PSEN1: variants seen among roughly 807,000 people sequenced by gnomAD.
PSEN1 encodes presenilin 1.
A neutral mutation model predicts 53.5 loss-of-function variants in PSEN1; 15 were observed. The observed-to-expected ratio is 0.28, with a 90% CI of 0.19 to 0.43. PSEN1 has a LOEUF of 0.43. Ranked by LOEUF, PSEN1 falls within the 20% of genes least tolerant of loss-of-function variation. PSEN1 has a pLI of 1.00. For synonymous variants in PSEN1, 208 were observed against 209.8 expected (o/e 0.99, Z 0.08); for missense variants, 387 against 571.2 (o/e 0.68, Z 3.29).
At chr14:73,142,710 C>G (rs1195909443) in intron 1 of PSEN1, among the ~76,000 whole-genome samples, 1 of 152,176 alleles carries the variant, frequency 6.6e-6, no homozygotes, top group African/African-American at 2.4e-5. Context: ...AGAAGGTTTT[C>G]TGGTTAGACT....
intron 9 of PSEN1, among the ~76,000 whole-genome samples, chr14:73,210,140 A>G (rs943619013): frequency 1.6e-4 from 24 of 152,284 alleles, no homozygotes; most frequent in Middle Eastern, 3.4e-3. Flanking sequence ...AAAACAAACA[A>G]AAGAACTGAG....
intron 5 of PSEN1, among the ~76,000 whole-genome samples, chr14:73,183,378 G>A (rs1453183650): frequency 1.3e-5 from 2 of 152,026 alleles, no homozygotes; most frequent in African/African-American, 4.8e-5. Flanking sequence ...GACAATAGTG[G>A]AGGGAAGGTC....
intron 3 of PSEN1, among the ~76,000 whole-genome samples, chr14:73,151,099 T>G (rs1348389916): frequency 1.3e-5 from 2 of 152,166 alleles, no homozygotes; most frequent in Non-Finnish European, 2.9e-5. Flanking sequence ...TTTATGTGGT[T>G]TATGTCTGAA....
intron 3 of PSEN1, among the ~76,000 whole-genome samples, chr14:73,166,298 A>G (rs1005088632): frequency 1.3e-5 from 2 of 152,322 alleles, no homozygotes; most frequent in South Asian, 2.1e-4. Flanking sequence ...TAAACTGTTC[A>G]TATGACCTAA....
At chr14:73,195,344 TG>T (rs755522921) in intron 7 of PSEN1, among the ~76,000 whole-genome samples, 102 of 152,206 alleles carry the variant, frequency 6.7e-4, no homozygotes, top group Non-Finnish European at 1.2e-3. Context: ...AGCTAATTTT[TG>T]TATTTTTAGT....
intron 3 of PSEN1, among the ~76,000 whole-genome samples, chr14:73,149,586 C>G (rs1897162621): frequency 6.6e-6 from 1 of 152,008 alleles, no homozygotes; most frequent in African/African-American, 2.4e-5. Flanking sequence ...TCTTTCCCAG[C>G]TGGGAAGTTT....
At chr14:73,161,794 T>C (rs553691585) in intron 3 of PSEN1, among the ~76,000 whole-genome samples, 1 of 152,138 alleles carries the variant, frequency 6.6e-6, no homozygotes, top group South Asian at 2.1e-4. Context: ...CACAAGGCCC[T>C]CACCGTAGAT....
At chr14:73,211,734 A>T in intron 9 of PSEN1, 35 bp from the exon 10 acceptor site, 1 of 1,611,774 alleles carries the variant, frequency 6.2e-7, no homozygotes, top group Non-Finnish European at 8.5e-7. Context: ...AATTTTTCTA[A>T]ATATTAGAGC....
chr14:73,148,426 T>A (rs927400565), intron 3 of PSEN1, among the ~76,000 whole-genome samples: 7 of 152,222 alleles, frequency 4.6e-5, no homozygotes, highest in Non-Finnish European at 1.0e-4. Context: ...GAGTCCATTT[T>A]ATTTACTGTA....
intron 1 of PSEN1, among the ~76,000 whole-genome samples, chr14:73,140,399 T>A (rs1008565431): frequency 6.6e-6 from 1 of 151,394 alleles, no homozygotes; most frequent in Admixed American, 6.6e-5. Context: ...TTAGTAGAGG[T>A]GGGGTGTCAC....
intron 5 of PSEN1, chr14:73,173,934 G>T: frequency 1.6e-6 from 1 of 624,324 alleles, no homozygotes; most frequent in African/African-American, 1.8e-5. Context: ...AGGATCACTT[G>T]GGCCCAGGAG....
intron 5 of PSEN1, among the ~76,000 whole-genome samples, chr14:73,182,264 G>A (rs1948091011): frequency 6.6e-6 from 1 of 151,976 alleles, no homozygotes; most frequent in Non-Finnish European, 1.5e-5. Flanking sequence ...AGGATCACTT[G>A]AAGCCAGGAG....
rs147813948 is a variant in PSEN1, at chr14:73,177,519, CTCTG to C, written c.480+3817_480+3820del. ...CCGTTTTCTTCTAGTATTATTTGCC[CTCTG>C]TCTGAACATCTTCCTTTAGTAATGC... is the stretch of plus-strand genomic sequence containing the variant. On this transcript the variant is annotated intron_variant, in intron 5 of 11. Coordinates refer to ENST00000324501, the MANE Select transcript of PSEN1 (RefSeq NM_000021.4). Among the ~76,000 whole-genome samples, 606 of 152,306 alleles carry C rather than the reference CTCTG, an allele frequency of 4.0e-3. 3 individuals are homozygous for C. The highest frequency in any genetic ancestry group is 0.014 in the African/African-American group (585 of 41,580).
At chr14:73,206,279 G>A (rs1899450879) in intron 8 of PSEN1, 107 bp from the exon 9 acceptor site, 2 of 793,816 alleles carry the variant, frequency 2.5e-6, no homozygotes, top group African/African-American at 1.7e-5. Context: ...CAGTCTTAAG[G>A]CAGCATTAGG....
At chr14:73,176,584 T>C (rs1211501224) in intron 5 of PSEN1, among the ~76,000 whole-genome samples, 1 of 152,276 alleles carries the variant, frequency 6.6e-6, no homozygotes, top group Non-Finnish European at 1.5e-5. Context: ...TGTGTTTTCA[T>C]ATTTTCACAC....
chr14:73,191,229 T>C (rs191245695), intron 6 of PSEN1, among the ~76,000 whole-genome samples: 1 of 152,342 alleles, frequency 6.6e-6, no homozygotes, highest in African/African-American at 2.4e-5. Context: ...CCTGTCATCC[T>C]TTCAGGAATT....
At chr14:73,205,777 C>A (rs1234839298) in intron 8 of PSEN1, among the ~76,000 whole-genome samples, 1 of 152,156 alleles carries the variant, frequency 6.6e-6, no homozygotes, top group Non-Finnish European at 1.5e-5. Context: ...TGTCTCTGAA[C>A]TAAAATGTGG....
At chr14:73,204,527 T>TA (rs1899370227) in intron 8 of PSEN1, among the ~76,000 whole-genome samples, 1 of 140,606 alleles carries the variant, frequency 7.1e-6, no homozygotes, top group African/African-American at 2.7e-5. Context: ...CTTTTTACAT[T>TA]TAAAAAAAAA....
chr14:73,212,347 G>C (rs138479907), intron 10 of PSEN1, among the ~76,000 whole-genome samples: 2 of 151,920 alleles, frequency 1.3e-5, no homozygotes, highest in African/African-American at 2.4e-5. Context: ...CTGACATCAT[G>C]ATCTGCCTGC....
Sources: gnomAD v4.1 joint callset for allele counts (sites outside exome capture counted in the v4.1 genomes callset) on GRCh38, gnomAD v4.1.1 for gene constraint, MANE v1.5 for transcripts, NCBI Gene and HGNC (gene_info 2026-07-23, HGNC 2026-07-21) for gene names.